The following CPD variants were observed in gnomAD, a reference collection of about 807,000 sequenced individuals.
CPD encodes carboxypeptidase D.
In CPD, 69 loss-of-function variants were observed where a neutral mutation model predicts 138.3. The ratio of observed to expected loss-of-function variants is 0.50; its 90% CI spans 0.41 to 0.61. CPD has a LOEUF of 0.61. Ranked by LOEUF, CPD falls within the 20% of genes least tolerant of loss-of-function variation. The pLI is 0.00. For missense variants in CPD, 1,432 were observed against 1,733.3 expected (o/e 0.83, Z 3.09); for synonymous variants, 651 against 642.1 (o/e 1.01, Z -0.21).
At position 30,385,244 on chromosome 17, in the gene CPD, A is replaced by G. The variant is rs768400979; in HGVS notation, c.994+8A>G. 5 of 1,613,348 alleles carry G rather than the reference A, an allele frequency of 3.1e-6. No homozygotes were observed. The African/African-American group carries it at 5.3e-5, about 17-fold the overall frequency. Reference sequence around the variant, plus strand: ...ATTGGTATGATGTGGAAGGTATGCAAAGCATTGAGTTTGCTACATTTTCCC... The same window carrying G: ...ATTGGTATGATGTGGAAGGTATGCAGAGCATTGAGTTTGCTACATTTTCCC... On this transcript the variant is annotated splice_region_variant and intron_variant, in intron 2 of 20. Coordinates refer to ENST00000225719, the MANE Select transcript of CPD (RefSeq NM_001304.5).
At chr17:30,400,713 C>T (rs1911634694) in intron 2 of CPD, among the ~76,000 whole-genome samples, 2 of 122,104 alleles carry the variant, frequency 1.6e-5, no homozygotes, top group African/African-American at 6.5e-5. Context: ...GGCTGGAGTG[C>T]ATGGCGCGAT....
chr17:30,391,976 A>C (rs1359746368), intron 2 of CPD, among the ~76,000 whole-genome samples: 1 of 151,762 alleles, frequency 6.6e-6, no homozygotes, highest in African/African-American at 2.4e-5. Context: ...CATCCGAAAC[A>C]TAAATACATA....
intron 2 of CPD, among the ~76,000 whole-genome samples, chr17:30,386,598 C>T (rs978225287): frequency 2.0e-5 from 3 of 152,040 alleles, no homozygotes; most frequent in Non-Finnish European, 4.4e-5. Flanking sequence ...ATAATAATTC[C>T]CACTTCCATC....
rs541014130 is a variant in CPD, at chr17:30,383,283, G to C, written c.747-1706G>C. Among the ~76,000 whole-genome samples, 6 of 152,344 alleles carry C rather than the reference G, an allele frequency of 3.9e-5. No individual in the cohort carries two copies. In the South Asian group the frequency reaches 1.2e-3, roughly 32 times the overall value. On this transcript the variant is annotated intron_variant, in intron 1 of 20. Coordinates refer to ENST00000225719, the MANE Select transcript of CPD (RefSeq NM_001304.5). The stretch of plus-strand genomic sequence containing the variant: ...GGGCTATAAAGTAGTCTTTATGCCA[G>C]ATTATGTTTCATGTGTGTTATCTTA...
At chr17:30,456,747 C>G in intron 17 of CPD, 1 of 411,956 alleles carries the variant, frequency 2.4e-6, no homozygotes, top group South Asian at 2.4e-5. Context: ...GAGGCTGAGT[C>G]AGGAGAATCG....
intron 13 of CPD, among the ~76,000 whole-genome samples, chr17:30,451,412 G>A (rs1913162666): frequency 6.6e-6 from 1 of 152,196 alleles, no homozygotes; most frequent in African/African-American, 2.4e-5. Flanking sequence ...TTATGTGTCA[G>A]TAAAACTTTA....
At chr17:30,394,019 C>G (rs1038382745) in intron 2 of CPD, among the ~76,000 whole-genome samples, 10 of 151,528 alleles carry the variant, frequency 6.6e-5, no homozygotes, top group Admixed American at 2.6e-4. Flanking sequence ...CCTGTAGTCC[C>G]AGCTACTTGG....
In CPD at chr17:30,427,485, G is replaced by A. The variant is rs781685583; in HGVS notation, c.1944G>A (p.Thr648=). 5.2e-5 allele frequency: 84 copies of A among 1,613,972 alleles called. No individual in the cohort carries two copies. The highest frequency in any genetic ancestry group is 6.9e-5 in the Non-Finnish European group (82 of 1,179,994). The change falls in exon 7 of 21, where the codon ACG becomes ACA. Residue 648 remains threonine (T), a synonymous_variant. Transcript: ENST00000225719. ...AGTTTGTTCAGATCACAGATCCTAC[G>A]CAACCAGAAACTATTGCTGTAATGA... ...PDQFVQITDP[T]QPETIAVMSW...
intron 6 of CPD, among the ~76,000 whole-genome samples, chr17:30,423,954 A>G (rs1296423467): frequency 6.6e-6 from 1 of 152,156 alleles, no homozygotes; most frequent in African/African-American, 2.4e-5. Flanking sequence ...TAAGACTTTT[A>G]TAAATTGTTT....
At chr17:30,415,121 A>G (rs1912070496) in intron 2 of CPD, among the ~76,000 whole-genome samples, 1 of 152,146 alleles carries the variant, frequency 6.6e-6, no homozygotes, top group Admixed American at 6.5e-5. Context: ...TGGCACTACT[A>G]TCTCCCTGAT....
intron 2 of CPD, among the ~76,000 whole-genome samples, chr17:30,406,743 A>G (rs1348344692): frequency 3.9e-5 from 6 of 152,194 alleles, no homozygotes; most frequent in African/African-American, 1.2e-4. Flanking sequence ...TAACACAGCT[A>G]TTAAATTTTA....
chr17:30,461,133 T>C lies in CPD; in HGVS notation c.3499-47T>C, dbSNP rs190862416. On this transcript the variant is annotated intron_variant, in intron 17 of 20. Transcript: ENST00000225719. ...TGTATTACAAAGCCTTATTCTTTCT[T>C]TTACTTATTAATTTTCCCACATTTG... The C allele has an allele frequency of 2.3e-4, 340 of 1,459,922 alleles. No individual in the cohort carries two copies. In the African/African-American group the frequency reaches 4.3e-3, roughly 18 times the overall value. 90.4% of individuals were successfully genotyped at this position (1,459,922 alleles called of 1,614,324 possible).
At chr17:30,421,239 A>G (rs1365160679) in intron 3 of CPD, among the ~76,000 whole-genome samples, 2 of 152,120 alleles carry the variant, frequency 1.3e-5, no homozygotes, top group Non-Finnish European at 2.9e-5. Context: ...ACTTACTTAT[A>G]CAAACTGAAA....
intron 2 of CPD, among the ~76,000 whole-genome samples, chr17:30,395,497 C>T (rs898390743): frequency 1.3e-5 from 2 of 151,958 alleles, no homozygotes; most frequent in African/African-American, 4.8e-5. Context: ...CTTGGAGTCA[C>T]GAGTTGGCTT....
At position 30,411,186 on chromosome 17, in the gene CPD, C is replaced by G. The variant is rs186726505; in HGVS notation, c.995-9655C>G. 2.5e-3 allele frequency among the ~76,000 whole-genome samples: 377 copies of G among 152,234 alleles called. 1 individual carries two copies. The highest frequency in any genetic ancestry group is 8.6e-3 in the African/African-American group (359 of 41,538). On this transcript the variant is annotated intron_variant, in intron 2 of 20. Transcript: ENST00000225719. ...CTTTTAAGAATGTTGAATATTGGCC[C>G]CCACTCTCTTCTGGCTTGTAGGGTT... is the stretch of plus-strand genomic sequence containing the variant.
intron 1 of CPD, among the ~76,000 whole-genome samples, chr17:30,381,524 G>T (rs1486871582): frequency 6.6e-6 from 1 of 152,066 alleles, no homozygotes; most frequent in Non-Finnish European, 1.5e-5. Context: ...TTAATCAAAA[G>T]GGAAAGTAGG....
chr17:30,423,083 T>C (rs1912310843), intron 5 of CPD, 60 bp downstream of exon 5: 3 of 1,274,560 alleles, frequency 2.4e-6, no homozygotes. Flanking sequence ...TGTTCAATAT[T>C]GCTATGTTTC....
chr17:30,423,117 T>G, intron 5 of CPD, 94 bp downstream of exon 5: 1 of 921,992 alleles, frequency 1.1e-6, no homozygotes, highest in Non-Finnish European at 1.6e-6. Flanking sequence ...GCCTACAGTT[T>G]GTATAACTGG....
At chr17:30,438,793 C>G (rs1912771009) in intron 8 of CPD, among the ~76,000 whole-genome samples, 182 bp from the exon 9 acceptor site, 1 of 151,990 alleles carries the variant, frequency 6.6e-6, no homozygotes. Context: ...AGTGAAAAAT[C>G]AAAATGGCAT....
Sources: allele counts gnomAD v4.1 joint callset (sites outside exome capture counted in the v4.1 genomes callset), GRCh38; gene constraint gnomAD v4.1.1; transcripts MANE v1.5; gene names NCBI Gene and HGNC (gene_info 2026-07-23, HGNC 2026-07-21).